Variants in PTPRM observed in about 807,000 individuals in gnomAD.
The protein encoded by PTPRM is receptor-type tyrosine-protein phosphatase mu.
PTPRM carries 47 observed loss-of-function variants against 186.7 expected under a neutral mutation model. The observed-to-expected ratio is 0.25, with a 90% CI of 0.20 to 0.32. The LOEUF (loss-of-function observed/expected upper bound fraction) is 0.32, where lower values mean the gene tolerates loss of function less well. PTPRM is among the 10% of genes least tolerant of loss of function. PTPRM has a pLI of 1.00. For synonymous variants in PTPRM, 668 were observed against 674.9 expected, an observed-to-expected ratio of 0.99 and a Z score of 0.16; for missense variants, 1,494 against 1,865.0, an observed-to-expected ratio of 0.80 and a Z score of 3.66.
At chr18:7,694,429 T>TC in intron 1 of PTPRM, among the ~76,000 whole-genome samples, 1 of 110,538 alleles carries the variant, frequency 9.0e-6, no homozygotes, top group East Asian at 5.0e-4. Flanking sequence ...CTTCCTTCCT[T>TC]CCTTTTTTTT....
chr18:7,975,937 G>A (rs1208276863), intron 7 of PTPRM, among the ~76,000 whole-genome samples: 1 of 152,188 alleles, frequency 6.6e-6, no homozygotes, highest in African/African-American at 2.4e-5. Flanking sequence ...TTGGGAGCCC[G>A]AGGCAGGTGG....
intron 1 of PTPRM, among the ~76,000 whole-genome samples, chr18:7,685,633 A>G (rs1018259915): frequency 6.6e-6 from 1 of 152,204 alleles, no homozygotes; most frequent in African/African-American, 2.4e-5. Flanking sequence ...GGGCAAATGT[A>G]GCATTACCAT....
At chr18:7,676,691 G>GCA (rs1430420643) in intron 1 of PTPRM, among the ~76,000 whole-genome samples, 5 of 151,606 alleles carry the variant, frequency 3.3e-5, no homozygotes, top group East Asian at 3.9e-4. Context: ...GTGTGTGTGC[G>GCA]CGTGCACGCG....
chr18:8,076,066 T>C (rs918148089), intron 8 of PTPRM, among the ~76,000 whole-genome samples: 7 of 152,166 alleles, frequency 4.6e-5, no homozygotes, highest in Non-Finnish European at 8.8e-5. Flanking sequence ...GGTCATATGT[T>C]CTGTGCATCT....
At chr18:8,279,484 C>T (rs116350479) in intron 19 of PTPRM, among the ~76,000 whole-genome samples, 1,605 of 152,228 alleles carry the variant, frequency 0.011, 34 homozygotes, top group African/African-American at 0.037. Flanking sequence ...GGTTAACAGC[C>T]GGAGTAAGCT....
intron 2 of PTPRM, among the ~76,000 whole-genome samples, chr18:7,854,392 T>C (rs376381304): frequency 6.6e-6 from 1 of 152,182 alleles, no homozygotes; most frequent in South Asian, 2.1e-4. Context: ...TCTTAACTTA[T>C]GTAAGAATCA....
intron 23 of PTPRM, among the ~76,000 whole-genome samples, chr18:8,359,031 G>C (rs1018898866): frequency 6.6e-6 from 1 of 152,192 alleles, no homozygotes. Flanking sequence ...TCTACATTTA[G>C]CCTACCCAAT....
chr18:8,020,221 G>T (rs962008520), intron 7 of PTPRM, among the ~76,000 whole-genome samples: 1 of 151,656 alleles, frequency 6.6e-6, no homozygotes, highest in Admixed American at 6.6e-5. Context: ...TCTTTTTTTC[G>T]TGCGTGTGGC....
chr18:7,670,488 A>G (rs1191454514), intron 1 of PTPRM, among the ~76,000 whole-genome samples: 1 of 152,246 alleles, frequency 6.6e-6, no homozygotes, highest in East Asian at 1.9e-4. Flanking sequence ...TACTCTATAG[A>G]TGATCCTGAA....
At chr18:7,847,952 A>G (rs1264777908) in intron 2 of PTPRM, among the ~76,000 whole-genome samples, 1 of 152,242 alleles carries the variant, frequency 6.6e-6, no homozygotes, top group African/African-American at 2.4e-5. Context: ...AAGAATGAGT[A>G]CTACTGTGTA....
intron 2 of PTPRM, among the ~76,000 whole-genome samples, chr18:7,824,995 T>G (rs949588322): frequency 9.9e-5 from 15 of 152,170 alleles, no homozygotes; most frequent in Admixed American, 2.6e-4. Flanking sequence ...GTCTGTCTGT[T>G]TTTAAGATTT....
At chr18:8,011,988 C>A (rs578221549) in intron 7 of PTPRM, among the ~76,000 whole-genome samples, 1 of 152,066 alleles carries the variant, frequency 6.6e-6, no homozygotes, top group Non-Finnish European at 1.5e-5. Context: ...ATAGTTCATC[C>A]CTCCTTTTTG....
At chr18:7,928,240 T>C (rs991378342) in intron 5 of PTPRM, among the ~76,000 whole-genome samples, 1 of 152,208 alleles carries the variant, frequency 6.6e-6, no homozygotes, top group Non-Finnish European at 1.5e-5. Flanking sequence ...TTAGAGACTT[T>C]GCTGGCCAGG....
chr18:7,967,901 A>G (rs1216732377), intron 7 of PTPRM, among the ~76,000 whole-genome samples: 1 of 90,680 alleles, frequency 1.1e-5, no homozygotes, highest in African/African-American at 6.1e-5. Context: ...TATCCAGGAG[A>G]ACTTCCCCAA....
At chr18:7,616,518 C>A (rs1198789135) in intron 1 of PTPRM, among the ~76,000 whole-genome samples, 3 of 152,124 alleles carry the variant, frequency 2.0e-5, no homozygotes, top group Non-Finnish European at 4.4e-5. Flanking sequence ...CTTGGGATCA[C>A]TCACCCCTTT....
intron 2 of PTPRM, among the ~76,000 whole-genome samples, chr18:7,777,902 A>C (rs990517378): frequency 1.3e-5 from 2 of 152,100 alleles, no homozygotes; most frequent in African/African-American, 4.8e-5. Flanking sequence ...TCATGCTAGC[A>C]CTTTGGGAGG....
chr18:7,585,749 G>A (rs1431421924), intron 1 of PTPRM, among the ~76,000 whole-genome samples: 1 of 152,128 alleles, frequency 6.6e-6, no homozygotes, highest in Non-Finnish European at 1.5e-5. Flanking sequence ...TAGTGGCATT[G>A]TCAGTGGCCA....
intron 26 of PTPRM, chr18:8,376,812 G>A: frequency 1.8e-6 from 1 of 558,994 alleles, no homozygotes; most frequent in Non-Finnish European, 2.9e-6. Context: ...CCAGGTAACA[G>A]AATCAAGAGC....
At position 8,092,522 on chromosome 18, in the gene PTPRM, C is replaced by T. The variant is rs531922511; in HGVS notation, c.1856+3671C>T. Reference sequence around the variant, plus strand: ...TTGACCTTCTGAGGCTGAAGCGATCCCCCTGCCTCAGCCTCCAGAGTAGGT... The same window carrying T: ...TTGACCTTCTGAGGCTGAAGCGATCTCCCTGCCTCAGCCTCCAGAGTAGGT... On this transcript the variant is annotated intron_variant, in intron 11 of 32. Coordinates refer to ENST00000580170, the MANE Select transcript of PTPRM (RefSeq NM_001105244.2). Among the ~76,000 whole-genome samples, 33 of 152,110 alleles carry T rather than the reference C, an allele frequency of 2.2e-4. No individual in the cohort carries two copies. In the South Asian group the frequency reaches 5.6e-3, roughly 26 times the overall value.
Sources: gnomAD v4.1 joint callset for allele counts (sites outside exome capture counted in the v4.1 genomes callset) on GRCh38, gnomAD v4.1.1 for gene constraint, MANE v1.5 for transcripts, NCBI Gene and HGNC (gene_info 2026-07-23, HGNC 2026-07-21) for gene names.